SPIN1: variants seen among roughly 807,000 people sequenced by gnomAD.
SPIN1 encodes spindlin 1, also known as spindlin-1.
In SPIN1, 3 loss-of-function variants were observed where a neutral mutation model predicts 26.0. That is an observed-to-expected ratio of 0.12 (90% CI 0.05 to 0.30). The LOEUF (loss-of-function observed/expected upper bound fraction) is 0.30. Ranked by LOEUF, SPIN1 falls within the 10% of genes least tolerant of loss-of-function variation. SPIN1 has a pLI of 1.00. For missense variants in SPIN1, 126 were observed against 333.4 expected, an observed-to-expected ratio of 0.38 and a Z score of 4.84; for synonymous variants, 101 against 116.5, an observed-to-expected ratio of 0.87 and a Z score of 0.86.
chr9:88,406,744 C>G (rs912827398), intron 1 of SPIN1, among the ~76,000 whole-genome samples: 2 of 152,092 alleles, frequency 1.3e-5, no homozygotes, highest in Non-Finnish European at 2.9e-5. Flanking sequence ...CCTGTCCTTT[C>G]TTGCCTTCTT....
intron 2 of SPIN1, among the ~76,000 whole-genome samples, chr9:88,438,532 C>T (rs1828054521): frequency 6.6e-6 from 1 of 152,132 alleles, no homozygotes; most frequent in African/African-American, 2.4e-5. Flanking sequence ...TCCTGTTGGG[C>T]AAAGTAGTCT....
chr9:88,414,256 T>G (rs1349197822), intron 1 of SPIN1, among the ~76,000 whole-genome samples: 1 of 152,184 alleles, frequency 6.6e-6, no homozygotes, highest in East Asian at 1.9e-4. Flanking sequence ...CTTGCTCCCC[T>G]CTCTGAACTT....
At chr9:88,390,290 G>A (rs1461358903) in intron 1 of SPIN1, among the ~76,000 whole-genome samples, 1 of 152,164 alleles carries the variant, frequency 6.6e-6, no homozygotes, top group East Asian at 1.9e-4. Flanking sequence ...AGATAATTGT[G>A]TGTCTCCCTT....
At chr9:88,410,195 T>TC in intron 1 of SPIN1, among the ~76,000 whole-genome samples, 1 of 125,382 alleles carries the variant, frequency 8.0e-6, no homozygotes, top group Middle Eastern at 4.3e-3. Flanking sequence ...GTGTGCAACT[T>TC]TTTTTTTTTT....
intron 2 of SPIN1, among the ~76,000 whole-genome samples, chr9:88,441,398 C>CGTGTGTGTGTGT (rs60571153): frequency 7.3e-6 from 1 of 137,802 alleles, no homozygotes; most frequent in South Asian, 2.3e-4. Context: ...TGCTGCCATT[C>CGTGTGTGTGTGT]GTGTGTGTGT....
At chr9:88,441,556 G>A (rs1319001201) in intron 2 of SPIN1, among the ~76,000 whole-genome samples, 13 of 151,732 alleles carry the variant, frequency 8.6e-5, no homozygotes, top group African/African-American at 1.2e-4. Flanking sequence ...CCAGGAGTTC[G>A]AGACCAGTCT....
chr9:88,438,577 A>G (rs1270571286), intron 2 of SPIN1, among the ~76,000 whole-genome samples: 4 of 152,116 alleles, frequency 2.6e-5, no homozygotes, highest in Non-Finnish European at 5.9e-5. Context: ...TATAGATTAG[A>G]TTTGATCTAT....
intron 1 of SPIN1, among the ~76,000 whole-genome samples, chr9:88,418,599 C>G (rs1432925437): frequency 1.3e-5 from 2 of 152,138 alleles, no homozygotes; most frequent in Non-Finnish European, 2.9e-5. Context: ...TAGCACTGTT[C>G]AGTGGTAGCA....
chr9:88,467,459 CT>C (rs1352479803), intron 4 of SPIN1, among the ~76,000 whole-genome samples: 1 of 152,104 alleles, frequency 6.6e-6, no homozygotes, highest in Non-Finnish European at 1.5e-5. Flanking sequence ...ATTTGTGGGG[CT>C]ACCTTGTTGG....
At chr9:88,420,835 A>G (rs1827655275) in intron 1 of SPIN1, among the ~76,000 whole-genome samples, 1 of 152,176 alleles carries the variant, frequency 6.6e-6, no homozygotes, top group East Asian at 1.9e-4. Context: ...TCCCATTATC[A>G]CATTTCTTTA....
rs1214793265 is a variant in SPIN1 at position 88,436,295 on chromosome 9, A to G, written c.52+9704A>G. Among the ~76,000 whole-genome samples the G allele has an allele frequency of 3.9e-5, 6 of 152,318 alleles. 1 individual carries two copies. Among genetic ancestry groups the G allele is most frequent in the East Asian group, 3.9e-4 (2 of 5,184 alleles). On this transcript the variant is annotated intron_variant, in intron 2 of 5. Coordinates refer to ENST00000375859, the MANE Select transcript of SPIN1 (RefSeq NM_006717.3). ...AGACTAACAGTTTTTAAACTTTACAATCTTTCTACAGTTTTAGAGTTGCAA... is the reference window on the plus strand; with the variant it reads ...AGACTAACAGTTTTTAAACTTTACAGTCTTTCTACAGTTTTAGAGTTGCAA...
chr9:88,442,059 C>T (rs1455831164), intron 2 of SPIN1, among the ~76,000 whole-genome samples: 3 of 149,084 alleles, frequency 2.0e-5, no homozygotes, highest in Non-Finnish European at 4.4e-5. Context: ...TCAAGCAGTT[C>T]TCCTGCCTCA....
chr9:88,475,047 CTTT>C (rs11320023), intron 5 of SPIN1, 28 bp from the exon 6 acceptor site: 23,824 of 822,008 alleles, frequency 0.029, no homozygotes, highest in Middle Eastern at 0.034. Context: ...CTCTCTCTCT[CTTT>C]TTTTTTTTTT....
chr9:88,445,152 G>T (rs533398115), intron 2 of SPIN1, among the ~76,000 whole-genome samples: 1 of 152,234 alleles, frequency 6.6e-6, no homozygotes, highest in East Asian at 1.9e-4. Context: ...GATTGAAAAG[G>T]GTTCTTGACA....
At chr9:88,459,450 T>TTA (rs201038626) in intron 3 of SPIN1, among the ~76,000 whole-genome samples, 46 of 151,686 alleles carry the variant, frequency 3.0e-4, no homozygotes, top group Admixed American at 3.3e-4. Context: ...TATTTTTATG[T>TTA]TATATATATA....
chr9:88,389,724 T>C (rs757180403), intron 1 of SPIN1, among the ~76,000 whole-genome samples: 3 of 152,224 alleles, frequency 2.0e-5, no homozygotes, highest in Non-Finnish European at 4.4e-5. Flanking sequence ...TTTTTTCTAT[T>C]GGAATTTTCT....
At chr9:88,409,628 G>A (rs915555402) in intron 1 of SPIN1, among the ~76,000 whole-genome samples, 38 of 151,800 alleles carry the variant, frequency 2.5e-4, no homozygotes, top group Admixed American at 6.6e-5. Context: ...GAGGTCAGGA[G>A]ATGAAGACTG....
chr9:88,474,951 A>G (rs375625779), intron 5 of SPIN1, 127 bp from the exon 6 acceptor site: 41 of 895,672 alleles, frequency 4.6e-5, no homozygotes, highest in East Asian at 1.9e-4. Context: ...CTAGATAATC[A>G]TGAATTCAGG....
intron 1 of SPIN1, among the ~76,000 whole-genome samples, chr9:88,389,217 G>T (rs1220759474): frequency 1.3e-5 from 2 of 152,196 alleles, no homozygotes; most frequent in South Asian, 2.1e-4. Context: ...GCCGCCCTCC[G>T]TGGGGGCGCG....
Sources: allele counts gnomAD v4.1 joint callset (sites outside exome capture counted in the v4.1 genomes callset), GRCh38; gene constraint gnomAD v4.1.1; transcripts MANE v1.5; gene names NCBI Gene and HGNC (gene_info 2026-07-23, HGNC 2026-07-21).